The following SEC14L2 variants were observed in gnomAD, a reference collection of about 807,000 sequenced individuals.
SEC14L2 encodes the protein SEC14-like protein 2.
Under a neutral mutation model 56.9 loss-of-function variants are expected in SEC14L2, and 50 were observed. The observed-to-expected ratio is 0.88, with a 90% CI of 0.70 to 1.11. The LOEUF is 1.11. Ranked by LOEUF, SEC14L2 falls within the 50% of genes most tolerant of loss-of-function variation. SEC14L2 has a pLI of 0.00. For missense variants in SEC14L2, 414 were observed against 500.7 expected (o/e 0.83, Z 1.65); for synonymous variants, 179 against 188.5 (o/e 0.95, Z 0.41).
intron 2 of SEC14L2, among the ~76,000 whole-genome samples, chr22:30,404,433 C>T (rs2146015240): frequency 6.6e-6 from 1 of 152,162 alleles, no homozygotes; most frequent in East Asian, 1.9e-4. Context: ...CTCGGCACTC[C>T]CAGAGAGCGA....
At chr22:30,405,308 A>C (rs558179942) in intron 2 of SEC14L2, among the ~76,000 whole-genome samples, 1 of 152,336 alleles carries the variant, frequency 6.6e-6, no homozygotes, top group Admixed American at 6.5e-5. Context: ...AAGTGTTGTC[A>C]TGAGGCTAAG....
At chr22:30,397,502 G>A (rs1933788739) in intron 1 of SEC14L2, 3 of 330,602 alleles carry the variant, frequency 9.1e-6, no homozygotes, top group Non-Finnish European at 1.7e-5. Flanking sequence ...CGGGCCCTGG[G>A]GCAGGGGCAG....
At chr22:30,402,896 T>A (rs1173723688) in intron 2 of SEC14L2, among the ~76,000 whole-genome samples, 1 of 151,386 alleles carries the variant, frequency 6.6e-6, no homozygotes, top group South Asian at 2.1e-4. Context: ...CTGGGCAATA[T>A]AGCAAGACCC....
intron 2 of SEC14L2, among the ~76,000 whole-genome samples, chr22:30,400,665 G>A (rs888215270): frequency 8.6e-5 from 13 of 151,794 alleles, no homozygotes; most frequent in African/African-American, 1.9e-4. Flanking sequence ...GAGGCTAGGC[G>A]GGCAGATCAC....
At chr22:30,413,830 G>C (rs527691401) in intron 8 of SEC14L2, among the ~76,000 whole-genome samples, 1 of 151,122 alleles carries the variant, frequency 6.6e-6, no homozygotes. Flanking sequence ...TTAAATTTAG[G>C]TCCCCACAAA....
chr22:30,407,757 C>A (rs144218822), intron 5 of SEC14L2, among the ~76,000 whole-genome samples, 154 bp downstream of exon 5: 3 of 147,544 alleles, frequency 2.0e-5, no homozygotes, highest in African/African-American at 5.0e-5. Flanking sequence ...TTAGTAGAGA[C>A]GGGGTTTCAT....
chr22:30,418,096 T>G (rs1245799007), intron 11 of SEC14L2, among the ~76,000 whole-genome samples: 1 of 152,132 alleles, frequency 6.6e-6, no homozygotes, highest in African/African-American at 2.4e-5. Context: ...TTCTTTGTTT[T>G]TAGTAGAGAC....
intron 8 of SEC14L2, among the ~76,000 whole-genome samples, chr22:30,413,478 G>A (rs1413548919): frequency 3.9e-5 from 6 of 152,136 alleles, no homozygotes; most frequent in Non-Finnish European, 8.8e-5. Context: ...CCAGCTACTC[G>A]GGAGGCTGAG....
At chr22:30,398,719 A>C (rs907209198) in intron 1 of SEC14L2, 3 of 471,192 alleles carry the variant, frequency 6.4e-6, no homozygotes, top group African/African-American at 4.0e-5. Context: ...GTGTGAGACC[A>C]CCTCTTTCTT....
chr22:30,412,542 G>A (rs1934277731), intron 8 of SEC14L2, among the ~76,000 whole-genome samples: 1 of 152,118 alleles, frequency 6.6e-6, no homozygotes, highest in Admixed American at 6.6e-5. Context: ...GCCAGGCGCA[G>A]TGGCTCAGGC....
At chr22:30,408,994 T>G in intron 5 of SEC14L2, 193 bp from the exon 6 acceptor site, 1 of 681,968 alleles carries the variant, frequency 1.5e-6, no homozygotes, top group Non-Finnish European at 2.7e-6. Flanking sequence ...CACAGAGACC[T>G]AGGCAGGAAG....
intron 2 of SEC14L2, among the ~76,000 whole-genome samples, chr22:30,404,461 A>C (rs1314059185): frequency 6.6e-6 from 1 of 152,190 alleles, no homozygotes; most frequent in African/African-American, 2.4e-5. Flanking sequence ...GGGACCGGTG[A>C]CAGTCCAGAG....
chr22:30,397,124 G>T lies in SEC14L2; in HGVS notation c.8G>T (p.Gly3Val). The change falls in exon 1 of 12, where the codon GGC (glycine) becomes GTC (valine). Residue 3 changes from glycine (G) to valine (V), a missense_variant. Coordinates refer to ENST00000615189, the MANE Select transcript of SEC14L2 (RefSeq NM_012429.5). MSGRVGDLSPRQK... is the reference protein window; with the variant it reads MSVRVGDLSPRQK... ...CCCCGCGGTTGAGCCACGATGAGCG[G>T]CAGAGTCGGCGATCTGAGCCCCAGG... The T allele has an allele frequency of 6.5e-7, 1 of 1,548,074 alleles. No individual in the cohort carries two copies.
Position 30,424,750 on chromosome 22 carries a change from G to A in SEC14L2, c.*2343G>A, listed in dbSNP as rs762766687. 7.9e-5 allele frequency: 36 copies of A among 456,490 alleles called. No individual in the cohort carries two copies. Among genetic ancestry groups the A allele is most frequent in the Non-Finnish European group, 4.0e-5 (9 of 226,972 alleles). 28.3% of individuals were successfully genotyped at this position (456,490 alleles called of 1,614,324 possible). A position where few individuals can be genotyped will look rare whatever the true frequency, so the allele number is the denominator to read the frequency against. On this transcript the variant is annotated 3_prime_UTR_variant, in exon 12 of 12. Coordinates refer to ENST00000615189, the MANE Select transcript of SEC14L2 (RefSeq NM_012429.5). Reference sequence around the variant, plus strand: ...TGAACCCAGGATTGTCTCCAACGCCGCTCAATTATACCCGCCAAGGAGTCA... The same window carrying A: ...TGAACCCAGGATTGTCTCCAACGCCACTCAATTATACCCGCCAAGGAGTCA...
At chr22:30,419,204 C>T (rs1934455612) in intron 11 of SEC14L2, among the ~76,000 whole-genome samples, 1 of 152,108 alleles carries the variant, frequency 6.6e-6, no homozygotes. Context: ...AATGACTCTC[C>T]CAGTGTTTTC....
At chr22:30,416,664 G>T in intron 11 of SEC14L2, 1 of 1,425,944 alleles carries the variant, frequency 7.0e-7, no homozygotes, top group Non-Finnish European at 9.1e-7. Flanking sequence ...GATCACAGGG[G>T]TTCAACACGT....
rs1311385013 is a variant in SEC14L2, at chr22:30,397,038, CGA to C, written c.-77_-76del. On this transcript the variant is annotated 5_prime_UTR_variant, in exon 1 of 12. Coordinates refer to ENST00000615189, the MANE Select transcript of SEC14L2 (RefSeq NM_012429.5). ...GCTGGGACTTTACTCCGGGTGGCGG[CGA>C]GGACGAGTCTGTGCTCCATCAGCTG... The C allele has an allele frequency of 1.5e-5, 20 of 1,306,844 alleles. No individual in the cohort carries two copies. Among genetic ancestry groups the C allele is most frequent in the Non-Finnish European group, 2.1e-5 (20 of 931,424 alleles). 81.0% of individuals were successfully genotyped at this position (1,306,844 alleles called of 1,614,324 possible).
chr22:30,398,945 A>G (rs1933838856), intron 1 of SEC14L2: 1 of 391,318 alleles, frequency 2.6e-6, no homozygotes, highest in Non-Finnish European at 5.4e-6. Context: ...GTGAGGAGTA[A>G]ATAAGCTATG....
At chr22:30,408,742 C>G (rs1934166298) in intron 5 of SEC14L2, among the ~76,000 whole-genome samples, 1 of 152,208 alleles carries the variant, frequency 6.6e-6, no homozygotes, top group Non-Finnish European at 1.5e-5. Context: ...TACAAATGTT[C>G]ACAGAGAGCC....
Sources: allele counts gnomAD v4.1 joint callset (sites outside exome capture counted in the v4.1 genomes callset), GRCh38; gene constraint gnomAD v4.1.1; transcripts MANE v1.5; gene names NCBI Gene and HGNC (gene_info 2026-07-23, HGNC 2026-07-21).